Variants in AUTS2 observed in about 807,000 individuals in gnomAD.
AUTS2 encodes the protein autism susceptibility gene 2 protein.
A neutral mutation model predicts 112.4 loss-of-function variants in AUTS2; 17 were observed. The ratio of observed to expected loss-of-function variants is 0.15; its 90% CI spans 0.10 to 0.23. The LOEUF (loss-of-function observed/expected upper bound fraction) is 0.23. AUTS2 is among the 10% of genes least tolerant of loss of function. The pLI is 1.00. For synonymous variants in AUTS2, 751 were observed against 702.7 expected, an observed-to-expected ratio of 1.07 and a Z score of -1.09; for missense variants, 1,510 against 1,701.6, an observed-to-expected ratio of 0.89 and a Z score of 1.98.
chr7:69,653,315 G>A (rs1795375461), intron 1 of AUTS2, among the ~76,000 whole-genome samples: 1 of 152,206 alleles, frequency 6.6e-6, no homozygotes, highest in Non-Finnish European at 1.5e-5. Flanking sequence ...TTTCAGGTGT[G>A]GGCCAGATTA....
intron 4 of AUTS2, among the ~76,000 whole-genome samples, chr7:70,411,671 G>A (rs1794781867): frequency 6.6e-6 from 1 of 152,076 alleles, no homozygotes; most frequent in African/African-American, 2.4e-5. Flanking sequence ...CATATAATTA[G>A]AGTCAGATAT....
At chr7:69,873,838 A>G (rs535869557) in intron 1 of AUTS2, among the ~76,000 whole-genome samples, 33 of 152,344 alleles carry the variant, frequency 2.2e-4, no homozygotes, top group African/African-American at 7.7e-4. Flanking sequence ...GAATAGATAC[A>G]TCTTTGAGGA....
chr7:70,503,410 A>G (rs912409164), intron 5 of AUTS2, among the ~76,000 whole-genome samples: 21 of 151,898 alleles, frequency 1.4e-4, no homozygotes, highest in Non-Finnish European at 3.1e-4. Flanking sequence ...ATGTTTGAAA[A>G]TTGGCCCAAG....
intron 5 of AUTS2, among the ~76,000 whole-genome samples, chr7:70,487,588 G>C (rs891860445): frequency 6.6e-6 from 1 of 152,312 alleles, no homozygotes; most frequent in Middle Eastern, 3.4e-3. Context: ...AATTGGGAGA[G>C]GGAAATGAGT....
chr7:69,633,616 T>A (rs1204680007), intron 1 of AUTS2, among the ~76,000 whole-genome samples: 6 of 152,218 alleles, frequency 3.9e-5, no homozygotes, highest in Non-Finnish European at 8.8e-5. Flanking sequence ...GTTATCTTTT[T>A]ACTTTTTGAT....
intron 4 of AUTS2, among the ~76,000 whole-genome samples, chr7:70,160,210 G>A (rs1206352262): frequency 6.6e-6 from 1 of 152,090 alleles, no homozygotes; most frequent in African/African-American, 2.4e-5. Flanking sequence ...ATAGTAATGA[G>A]TTGGATGACC....
intron 1 of AUTS2, among the ~76,000 whole-genome samples, chr7:69,830,938 C>A (rs1791473539): frequency 6.6e-6 from 1 of 152,096 alleles, no homozygotes; most frequent in Non-Finnish European, 1.5e-5. Flanking sequence ...ATCTTCTTTT[C>A]CCATCACTAA....
chr7:70,342,029 A>G (rs776690558), intron 4 of AUTS2, among the ~76,000 whole-genome samples: 1 of 152,176 alleles, frequency 6.6e-6, no homozygotes, highest in African/African-American at 2.4e-5. Context: ...TTAGAATCAA[A>G]TGCATTCGGG....
chr7:70,233,629 C>T (rs141704530), intron 4 of AUTS2, among the ~76,000 whole-genome samples: 1 of 152,300 alleles, frequency 6.6e-6, no homozygotes, highest in African/African-American at 2.4e-5. Context: ...TCCATTAACA[C>T]AGTATACCTT....
intron 1 of AUTS2, among the ~76,000 whole-genome samples, chr7:69,779,067 A>T (rs1175295665): frequency 2.0e-5 from 3 of 149,580 alleles, no homozygotes; most frequent in Admixed American, 6.6e-5. Context: ...AAAAAAAAAA[A>T]AAAAAAAAGA....
intron 5 of AUTS2, among the ~76,000 whole-genome samples, chr7:70,625,602 A>T (rs1024457125): frequency 6.6e-6 from 1 of 152,210 alleles, no homozygotes; most frequent in Non-Finnish European, 1.5e-5. Flanking sequence ...ATTTCTGGTA[A>T]CCGCTTGTAC....
intron 1 of AUTS2, among the ~76,000 whole-genome samples, chr7:69,777,322 A>T (rs1158167287): frequency 6.6e-6 from 1 of 152,048 alleles, no homozygotes; most frequent in Non-Finnish European, 1.5e-5. Flanking sequence ...TAGCTTTTCT[A>T]GTTGTGTTAA....
chr7:70,432,848 A>G (rs1404111742), intron 4 of AUTS2, among the ~76,000 whole-genome samples: 1 of 152,156 alleles, frequency 6.6e-6, no homozygotes, highest in Admixed American at 6.5e-5. Context: ...TCAGGTCAGT[A>G]TGGGAATTTA....
Position 70,763,407 on chromosome 7 carries a change from C to T in AUTS2, c.1214+66C>T, listed in dbSNP as rs1028095170. ...CCCTGGGGATCAGGTGGGTGGGAGT[C>T]GGGGAGGGATCCCTAGGGAGACTGA... On this transcript the variant is annotated intron_variant, in intron 7 of 18. Transcript: ENST00000342771. 2.2e-4 allele frequency: 260 copies of T among 1,189,526 alleles called. 1 individual carries two copies. Among genetic ancestry groups the T allele is most frequent in the Middle Eastern group, 1.6e-3 (8 of 4,972 alleles). 73.7% of individuals were successfully genotyped at this position (1,189,526 alleles called of 1,614,324 possible).
At chr7:69,990,010 T>C (rs1185826884) in intron 2 of AUTS2, among the ~76,000 whole-genome samples, 1 of 152,008 alleles carries the variant, frequency 6.6e-6, no homozygotes, top group Admixed American at 6.6e-5. Flanking sequence ...GTGGGAAAAA[T>C]TGTGTTCCAT....
chr7:70,625,476 G>T (rs150554992), intron 5 of AUTS2, among the ~76,000 whole-genome samples: 81 of 152,344 alleles, frequency 5.3e-4, no homozygotes, highest in African/African-American at 1.7e-3. Flanking sequence ...CCAGTAGTCA[G>T]ATGGCACTTG....
At chr7:69,949,351 G>A (rs1796940287) in intron 2 of AUTS2, among the ~76,000 whole-genome samples, 1 of 152,148 alleles carries the variant, frequency 6.6e-6, no homozygotes, top group South Asian at 2.1e-4. Context: ...TGTGTTAAAT[G>A]TTTGTCACGA....
rs34972760 is a variant in AUTS2, at chr7:70,716,636, CAAA to C, written c.742+18043_742+18045del. On this transcript the variant is annotated intron_variant, in intron 6 of 18. Transcript: ENST00000342771. ...TGGGTGACAGAGCGAGACTCCGTCT[CAAA>C]AAAAAAAAAAAAAAAAAAAAAAAAA... Among the ~76,000 whole-genome samples, 19 of 64,934 alleles carry C rather than the reference CAAA, an allele frequency of 2.9e-4. No individual in the cohort carries two copies. The South Asian group carries it at 7.8e-3, about 27-fold the overall frequency. The allele number at this position is 64,934 out of a possible 152,430, so 42.6% of individuals were successfully genotyped here.
chr7:70,737,293 A>G (rs947744929), intron 6 of AUTS2, among the ~76,000 whole-genome samples: 9 of 152,284 alleles, frequency 5.9e-5, no homozygotes, highest in African/African-American at 1.9e-4. Flanking sequence ...GCCCCTTCCC[A>G]TTATGTGGCT....
Sources: allele counts gnomAD v4.1 joint callset (sites outside exome capture counted in the v4.1 genomes callset), GRCh38; gene constraint gnomAD v4.1.1; transcripts MANE v1.5; gene names NCBI Gene and HGNC (gene_info 2026-07-23, HGNC 2026-07-21).